Variants in PHACTR4 observed in about 807,000 individuals in gnomAD.
PHACTR4 encodes the protein phosphatase and actin regulator 4.
Under a neutral mutation model 72.7 loss-of-function variants are expected in PHACTR4, and 51 were observed. That is an observed-to-expected ratio of 0.70 (90% CI 0.56 to 0.89). PHACTR4 has a LOEUF of 0.89. Ranked by LOEUF, PHACTR4 falls within the 40% of genes least tolerant of loss-of-function variation. The pLI is 0.00. For missense variants in PHACTR4, 731 were observed against 861.8 expected, an observed-to-expected ratio of 0.85 and a Z score of 1.90; for synonymous variants, 255 against 302.5, an observed-to-expected ratio of 0.84 and a Z score of 1.63.
intron 2 of PHACTR4, among the ~76,000 whole-genome samples, chr1:28,439,040 A>C (rs1656819205): frequency 6.6e-6 from 1 of 152,204 alleles, no homozygotes; most frequent in East Asian, 1.9e-4. Flanking sequence ...CAGAGTTTCA[A>C]ATCTTCTATG....
chr1:28,458,298 T>C (rs1282567496), intron 2 of PHACTR4, among the ~76,000 whole-genome samples: 1 of 152,052 alleles, frequency 6.6e-6, no homozygotes, highest in African/African-American at 2.4e-5. Flanking sequence ...CACACCACCA[T>C]GCCCAGCTAA....
At chr1:28,370,908 A>C (rs184801161) in intron 1 of PHACTR4, among the ~76,000 whole-genome samples, 1 of 152,108 alleles carries the variant, frequency 6.6e-6, no homozygotes, top group Non-Finnish European at 1.5e-5. Context: ...TGGGCAACAC[A>C]GCAAGACCCC....
At chr1:28,442,213 T>C (rs909031189) in intron 2 of PHACTR4, among the ~76,000 whole-genome samples, 1 of 152,086 alleles carries the variant, frequency 6.6e-6, no homozygotes, top group Non-Finnish European at 1.5e-5. Context: ...ATGCCTGTAA[T>C]CCCAGCACTT....
intron 8 of PHACTR4, among the ~76,000 whole-genome samples, chr1:28,478,501 A>G (rs1267440369): frequency 6.6e-6 from 1 of 152,102 alleles, no homozygotes; most frequent in Non-Finnish European, 1.5e-5. Context: ...GCACGATCTC[A>G]GCTCACTGTA....
intron 2 of PHACTR4, among the ~76,000 whole-genome samples, chr1:28,423,610 T>A (rs1569902142): frequency 6.6e-6 from 1 of 152,074 alleles, no homozygotes; most frequent in South Asian, 2.1e-4. Flanking sequence ...TATATGTAGG[T>A]TTATGGTGTA....
intron 1 of PHACTR4, among the ~76,000 whole-genome samples, chr1:28,396,114 A>G (rs978725000): frequency 6.6e-6 from 1 of 152,000 alleles, no homozygotes. Context: ...TGTAGCTACT[A>G]AATTTCTCTG....
At position 28,491,018 on chromosome 1, in the gene PHACTR4, A is replaced by G; in HGVS notation, c.1878+6A>G. 1 of 1,611,530 alleles carries G rather than the reference A, an allele frequency of 6.2e-7. No homozygotes were observed. Among genetic ancestry groups the G allele is most frequent in the Non-Finnish European group, 8.5e-7 (1 of 1,177,750 alleles). On this transcript the variant is annotated splice_donor_region_variant and intron_variant, in intron 11 of 13. Transcript: ENST00000373839. ...AACGTCGGCTCACTAGAAAGGTACT[A>G]CTGCCTGTGTGTTCAGTTAACTATA... is the stretch of plus-strand genomic sequence containing the variant.
rs183819219 is a variant in PHACTR4 at position 28,461,778 on chromosome 1, C to T, written c.271+1486C>T. ...ATGGGCAGCACAAGCAGTCTTCCTG[C>T]CTCAGCCTCCCAAAGTGCTGGGATT... On this transcript the variant is annotated intron_variant, in intron 4 of 13. Transcript: ENST00000373839. Among the ~76,000 whole-genome samples the T allele has an allele frequency of 4.6e-5, 7 of 151,926 alleles. No individual in the cohort carries two copies. The East Asian group carries it at 1.4e-3, about 29-fold the overall frequency.
At chr1:28,453,677 A>C (rs983890442) in intron 2 of PHACTR4, 29 of 1,283,340 alleles carry the variant, frequency 2.3e-5, no homozygotes, top group Non-Finnish European at 3.0e-5. Flanking sequence ...TGAAAGATGG[A>C]CCCGTCCTGG....
At chr1:28,405,899 A>G (rs1445107263) in intron 1 of PHACTR4, among the ~76,000 whole-genome samples, 1 of 151,988 alleles carries the variant, frequency 6.6e-6, no homozygotes, top group Non-Finnish European at 1.5e-5. Flanking sequence ...TTAAAAAAAA[A>G]AGGAATAGGA....
intron 2 of PHACTR4, among the ~76,000 whole-genome samples, chr1:28,422,081 A>T (rs1655545548): frequency 6.6e-6 from 1 of 152,236 alleles, no homozygotes; most frequent in Non-Finnish European, 1.5e-5. Context: ...GAGAACTTTT[A>T]ATGTGAGACA....
chr1:28,473,797 C>T lies in PHACTR4; in HGVS notation c.1067C>T (p.Pro356Leu). 6.2e-7 allele frequency: 1 copy of T among 1,614,092 alleles called. No homozygotes were observed. The highest frequency in any genetic ancestry group is 8.5e-7 in the Non-Finnish European group (1 of 1,180,024). ...CCTACTCATATACCTCCAGAGCCTC[C>T]ACGCACCCCTCCATTCCCTGCTAAG... The part of the protein sequence containing the change: ...PLPTHIPPEP[P>L]RTPPFPAKTF... Residue 356 changes from proline to leucine, a missense_variant, in exon 7 of 14, where the codon CCA becomes CTA. This residue lies in a region of PHACTR4 where 621 missense variants were observed against 676.6 expected (regional missense o/e 0.92). Coordinates refer to ENST00000373839, the MANE Select transcript of PHACTR4 (RefSeq NM_001048183.3).
chr1:28,392,797 AT>A lies in PHACTR4; in HGVS notation c.-38-14603del, dbSNP rs375524887. Among the ~76,000 whole-genome samples, 813 of 150,082 alleles carry A rather than the reference AT, an allele frequency of 5.4e-3. 1 individual carries two copies. The highest frequency in any genetic ancestry group is 0.012 in the East Asian group (61 of 5,136). On this transcript the variant is annotated intron_variant, in intron 1 of 13. Transcript: ENST00000373839. ...ATTGCTAAAATCTATAGTAAAAATG[AT>A]TTTTTTTTTGTTTTTTATGAACCCT...
chr1:28,427,247 C>T (rs374622523), intron 2 of PHACTR4, among the ~76,000 whole-genome samples: 7 of 152,166 alleles, frequency 4.6e-5, no homozygotes, highest in African/African-American at 9.6e-5. Flanking sequence ...AATATTTGGC[C>T]GGACGCAGTG....
chr1:28,399,960 T>C (rs2124242755), intron 1 of PHACTR4, among the ~76,000 whole-genome samples: 1 of 152,306 alleles, frequency 6.6e-6, no homozygotes, highest in South Asian at 2.1e-4. Context: ...GTGCTTGTTA[T>C]GTTACAGAAA....
chr1:28,445,327 G>A (rs1035420530), intron 2 of PHACTR4, among the ~76,000 whole-genome samples: 1 of 152,082 alleles, frequency 6.6e-6, no homozygotes. Flanking sequence ...GGGCTCATGC[G>A]ATCCTCCCAC....
intron 1 of PHACTR4, among the ~76,000 whole-genome samples, chr1:28,383,784 A>G (rs1369837417): frequency 6.6e-6 from 1 of 152,210 alleles, no homozygotes; most frequent in African/African-American, 2.4e-5. Context: ...ATACAGGGTC[A>G]TGTTGTCTAC....
intron 5 of PHACTR4, 57 bp downstream of exon 5, chr1:28,465,906 T>TAA (rs1659132248): frequency 6.6e-7 from 1 of 1,518,352 alleles, no homozygotes. Context: ...TCTCCTTACA[T>TAA]AAGGGGTTTG....
rs1336014502 is a variant in PHACTR4 at position 28,479,292 on chromosome 1, C to T, written c.1607-1159C>T. Among the ~76,000 whole-genome samples, 12 of 151,996 alleles carry T rather than the reference C, an allele frequency of 7.9e-5. 1 individual carries two copies. In the East Asian group the frequency reaches 1.7e-3, roughly 22 times the overall value. On this transcript the variant is annotated intron_variant, in intron 8 of 13. Transcript: ENST00000373839. The stretch of plus-strand genomic sequence containing the variant: ...AAAATTGGCTGAGCATGGTAGCAGG[C>T]GCCTGTAATCCCAGCTACTCAGGAG...
Sources: allele counts gnomAD v4.1 joint callset (sites outside exome capture counted in the v4.1 genomes callset), GRCh38; gene constraint gnomAD v4.1.1; regional missense constraint gnomAD v4.1.1; transcripts MANE v1.5; gene names NCBI Gene and HGNC (gene_info 2026-07-23, HGNC 2026-07-21).